The following SERINC3 variants were observed in gnomAD, a reference collection of about 807,000 sequenced individuals.
The protein encoded by SERINC3 is serine incorporator 3.
In SERINC3, 22 loss-of-function variants were observed where a neutral mutation model predicts 52.1. The ratio of observed to expected loss-of-function variants is 0.42; its 90% CI spans 0.30 to 0.60. The LOEUF (loss-of-function observed/expected upper bound fraction) is 0.60. SERINC3 is among the 20% of genes least tolerant of loss of function. The pLI is 0.16. For missense variants in SERINC3, 564 were observed against 584.6 expected, an observed-to-expected ratio of 0.96 and a Z score of 0.36; for synonymous variants, 226 against 212.7, an observed-to-expected ratio of 1.06 and a Z score of -0.54.
intron 8 of SERINC3, among the ~76,000 whole-genome samples, chr20:44,502,713 T>C (rs948109692): frequency 6.6e-6 from 1 of 152,076 alleles, no homozygotes; most frequent in African/African-American, 2.4e-5. Context: ...CTGGGCTCAA[T>C]TGGTCCTCCC....
chr20:44,501,041 G>A (rs779626296), intron 9 of SERINC3, 32 bp downstream of exon 9: 2 of 1,506,454 alleles, frequency 1.3e-6, no homozygotes, highest in Admixed American at 3.4e-5. Context: ...AGGGTTTTAT[G>A]GTCTTCTGTC....
chr20:44,515,629 T>C (rs1217726548), intron 1 of SERINC3, among the ~76,000 whole-genome samples: 3 of 151,890 alleles, frequency 2.0e-5, no homozygotes, highest in Non-Finnish European at 4.4e-5. Flanking sequence ...ACATTGTGAA[T>C]GTACTAAATG....
chr20:44,521,425 G>C (rs1211628668), intron 1 of SERINC3, among the ~76,000 whole-genome samples: 2 of 152,162 alleles, frequency 1.3e-5, no homozygotes, highest in African/African-American at 4.8e-5. Flanking sequence ...CAATCCACAA[G>C]GGCTTCTTTC....
chr20:44,519,660 G>T (rs2064403198), intron 1 of SERINC3, among the ~76,000 whole-genome samples: 1 of 152,022 alleles, frequency 6.6e-6, no homozygotes, highest in African/African-American at 2.4e-5. Flanking sequence ...GCCAGGCATG[G>T]TGTCACACAC....
rs1412256669 is a variant in SERINC3, at chr20:44,498,364, G to A, written c.*1932C>T. ...CCGCGGCAGGTGGATCACGAGGTCA[G>A]GAGATCGAGACCATCCTGGCTAACA... On this transcript the variant is annotated 3_prime_UTR_variant, in exon 10 of 10. Coordinates refer to ENST00000342374, the MANE Select transcript of SERINC3 (RefSeq NM_006811.4). The A allele has an allele frequency of 6.6e-6, 1 of 152,194 alleles. No individual in the cohort carries two copies. Among genetic ancestry groups the A allele is most frequent in the African/African-American group, 2.4e-5 (1 of 41,412 alleles). 9.4% of individuals were successfully genotyped at this position (152,194 alleles called of 1,614,324 possible).
intron 1 of SERINC3, 84 bp downstream of exon 1, chr20:44,521,829 G>A (rs924491049): frequency 9.3e-6 from 13 of 1,394,738 alleles, no homozygotes; most frequent in African/African-American, 1.4e-5. Context: ...GAGAGCCTCT[G>A]GAGCCAAGGC....
At position 44,501,107 on chromosome 20, in the gene SERINC3, A is replaced by G; in HGVS notation, c.1249T>C (p.Leu417=). The G allele has an allele frequency of 6.2e-7, 1 of 1,614,054 alleles. No individual in the cohort carries two copies. The highest frequency in any genetic ancestry group is 1.1e-5 in the South Asian group (1 of 91,072). The change falls in exon 9 of 10, where the codon TTG becomes CTG. Residue 417 remains leucine (L), a synonymous_variant. Transcript: ENST00000342374. Reference sequence around the variant, plus strand: ...CTGGTCAGGGTCATCATGATGTACAAGGAAGCCAAGCAGAGCATGAGGTGG... The same window carrying G: ...CTGGTCAGGGTCATCATGATGTACAGGGAAGCCAAGCAGAGCATGAGGTGG... ...LFHLMLCLAS[L]YIMMTLTSWY... is the part of the protein sequence containing the mutation.
At chr20:44,506,207 G>A (rs2064311461) in intron 6 of SERINC3, among the ~76,000 whole-genome samples, 1 of 151,076 alleles carries the variant, frequency 6.6e-6, no homozygotes, top group African/African-American at 2.4e-5. Context: ...CTGGAACCCA[G>A]GAGGTGGAGG....
Position 44,504,822 on chromosome 20 carries a change from A to T in SERINC3, c.853T>A (p.Ser285Thr), listed in dbSNP as rs1568785493. The T allele has an allele frequency of 1.9e-6, 3 of 1,611,800 alleles. No individual in the cohort carries two copies. Among genetic ancestry groups the T allele is most frequent in the Non-Finnish European group, 1.7e-6 (2 of 1,178,226 alleles). Residue 285 changes from serine (S) to threonine (T), a missense_variant, in exon 7 of 10, where the codon TCA becomes ACA. Coordinates refer to ENST00000342374, the MANE Select transcript of SERINC3 (RefSeq NM_006811.4). The stretch of plus-strand genomic sequence containing the variant: ...TTACCAGGTTCATTGGACATGGCTG[A>T]CCAGGTGAGGTACATAGTGTAGAGG... ...ITLYTMYLTW[S>T]AMSNEPDRSC... is the part of the protein sequence containing the mutation.
In SERINC3 at chr20:44,500,466, G is replaced by A. The variant is rs1403654372; in HGVS notation, c.1284-32C>T. 3 of 1,551,982 alleles carry A rather than the reference G, an allele frequency of 1.9e-6. No individual in the cohort carries two copies. The South Asian group carries it at 3.6e-5, about 18-fold the overall frequency. ...AAACAAGAGAGAGTCAGGTAGAAAAGCCTGGTCTACCTGACTTCTATCAGC... is the reference window on the plus strand; with the variant it reads ...AAACAAGAGAGAGTCAGGTAGAAAAACCTGGTCTACCTGACTTCTATCAGC... On this transcript the variant is annotated intron_variant, in intron 9 of 9. Coordinates refer to ENST00000342374, the MANE Select transcript of SERINC3 (RefSeq NM_006811.4).
intron 1 of SERINC3, chr20:44,519,163 T>C (rs2064400146): frequency 6.6e-6 from 1 of 152,208 alleles, no homozygotes; most frequent in African/African-American, 2.4e-5. Context: ...GCTTTACCTT[T>C]ACTTTTCTAC....
intron 4 of SERINC3, 56 bp from the exon 5 acceptor site, chr20:44,510,084 A>C: frequency 6.6e-7 from 1 of 1,522,706 alleles, no homozygotes. Flanking sequence ...ATTTCAGAAG[A>C]TCCAACATTC....
chr20:44,502,496 T>C (rs754100399), intron 8 of SERINC3, among the ~76,000 whole-genome samples: 1 of 148,546 alleles, frequency 6.7e-6, no homozygotes, highest in Admixed American at 6.9e-5. Flanking sequence ...GGTGGGAGGA[T>C]CACTTGAGAC....
Position 44,501,203 on chromosome 20 carries a change from C to T in SERINC3, c.1153G>A (p.Glu385Lys). The change falls in exon 9 of 10, where the codon GAA becomes AAA. Residue 385 changes from glutamate to lysine, a missense_variant. Coordinates refer to ENST00000342374, the MANE Select transcript of SERINC3 (RefSeq NM_006811.4). ...GDTTTSGASD[E>K]EDGQPRRAVD... ...GCCCGCCGAGGCTGTCCATCTTCTT[C>T]ATCACTGGCACCACTGGTAGTTGTA... The T allele has an allele frequency of 6.2e-7, 1 of 1,614,196 alleles. No individual in the cohort carries two copies. The highest frequency in any genetic ancestry group is 8.5e-7 in the Non-Finnish European group (1 of 1,180,026).
rs149331551 is a variant in SERINC3 at position 44,513,960 on chromosome 20, G to A, written c.120C>T (p.Leu40=). 3.1e-6 allele frequency: 5 copies of A among 1,614,030 alleles called. No individual in the cohort carries two copies. The African/African-American group carries it at 6.7e-5, about 22-fold the overall frequency. ...PNSKNSTVTR[L]IYAFILLLST... ...TCAGGAGGAGAATGAAAGCATAAAT[G>A]AGGCGAGTCACCGTGGAATTCTTAC... The change falls in exon 2 of 10, where the codon CTC becomes CTT. Residue 40 remains leucine, a synonymous_variant. Coordinates refer to ENST00000342374, the MANE Select transcript of SERINC3 (RefSeq NM_006811.4).
At chr20:44,507,302 T>A (rs530198813) in intron 5 of SERINC3, among the ~76,000 whole-genome samples, 3 of 152,234 alleles carry the variant, frequency 2.0e-5, no homozygotes, top group Admixed American at 2.0e-4. Context: ...TGTTAATTAA[T>A]GTGTATTGTG....
chr20:44,505,509 T>C (rs1336992762), intron 6 of SERINC3, among the ~76,000 whole-genome samples: 1 of 151,710 alleles, frequency 6.6e-6, no homozygotes, highest in African/African-American at 2.4e-5. Flanking sequence ...TTAGTAGAGA[T>C]GGGGTTTCGT....
intron 6 of SERINC3, among the ~76,000 whole-genome samples, chr20:44,505,847 G>A (rs1021417723): frequency 8.6e-5 from 13 of 151,814 alleles, no homozygotes; most frequent in Admixed American, 2.6e-4. Context: ...TGATCCACCC[G>A]CCTTGGCCTC....
chr20:44,503,444 T>G (rs1385759660), intron 8 of SERINC3, among the ~76,000 whole-genome samples: 1 of 152,234 alleles, frequency 6.6e-6, no homozygotes, highest in Non-Finnish European at 1.5e-5. Flanking sequence ...GGTCAGGAGT[T>G]CGAGACCAGC....
Sources: gnomAD v4.1 joint callset for allele counts (sites outside exome capture counted in the v4.1 genomes callset) on GRCh38, gnomAD v4.1.1 for gene constraint, MANE v1.5 for transcripts, NCBI Gene and HGNC (gene_info 2026-07-23, HGNC 2026-07-21) for gene names.